TK2: variants seen among roughly 807,000 people sequenced by gnomAD.
TK2 encodes the protein thymidine kinase 2, also known as thymidine kinase 2, mitochondrial.
A neutral mutation model predicts 41.9 loss-of-function variants in TK2; 35 were observed. The ratio of observed to expected loss-of-function variants is 0.84; its 90% CI spans 0.64 to 1.11. The LOEUF is 1.11. Among genes scored for constraint, TK2 ranks in the 50% least tolerant of loss-of-function variants. The pLI, the probability that TK2 is intolerant of heterozygous loss-of-function variation, is 0.00. For synonymous variants in TK2, 128 were observed against 129.1 expected (o/e 0.99, Z 0.06); for missense variants, 320 against 351.1 (o/e 0.91, Z 0.71).
At chr16:66,547,510 T>C (rs1365427345) in intron 2 of TK2, among the ~76,000 whole-genome samples, 1 of 152,128 alleles carries the variant, frequency 6.6e-6, no homozygotes, top group African/African-American at 2.4e-5. Context: ...CTTCTGTGAC[T>C]TGTACCTGTT....
Position 66,508,213 on chromosome 16 carries a change from G to A in TK2, c.*3755C>T, listed in dbSNP as rs1964349183. 6.6e-6 allele frequency: 1 copy of A among 152,206 alleles called. No individual in the cohort carries two copies. Among genetic ancestry groups the A allele is most frequent in the Non-Finnish European group, 1.5e-5 (1 of 68,048 alleles). 9.4% of individuals were successfully genotyped at this position (152,206 alleles called of 1,614,324 possible). A position where few individuals can be genotyped will look rare whatever the true frequency, so the allele number is the denominator to read the frequency against. On this transcript the variant is annotated 3_prime_UTR_variant, in exon 10 of 10. Coordinates refer to ENST00000544898, the MANE Select transcript of TK2 (RefSeq NM_004614.5). ...AGCAGTGAATGGCAATACCCATTCT[G>A]GATTCCACGACATAGGCTTTCTCTT...
rs576855247 is a variant in TK2, at chr16:66,537,035, A to G, written c.232-18T>C. ...GTTAACACCTGGAAGGAAAGAAAAC[A>G]TCAGAGCTACTGTTTCTCTGTGCTG... is the stretch of plus-strand genomic sequence containing the variant. On this transcript the variant is annotated intron_variant, in intron 3 of 9. Transcript: ENST00000544898. The G allele has an allele frequency of 6.2e-7, 1 of 1,614,018 alleles. No individual in the cohort carries two copies. Among genetic ancestry groups the G allele is most frequent in the Admixed American group, 1.7e-5 (1 of 60,012 alleles).
At chr16:66,533,533 T>C (rs962620055) in intron 4 of TK2, among the ~76,000 whole-genome samples, 3 of 150,782 alleles carry the variant, frequency 2.0e-5, no homozygotes, top group South Asian at 2.1e-4. Flanking sequence ...TTGGGTGATA[T>C]AGCAAGACCC....
At position 66,510,124 on chromosome 16, in the gene TK2, T is replaced by G. The variant is rs1964406660; in HGVS notation, c.*1844A>C. The stretch of plus-strand genomic sequence containing the variant: ...AGCACTTCAAAATCAACAACAGGGC[T>G]TAGGTGAAGGAGTTATTGGGTATCA... On this transcript the variant is annotated 3_prime_UTR_variant, in exon 10 of 10. Transcript: ENST00000544898. 1.3e-5 allele frequency: 2 copies of G among 151,260 alleles called. No homozygotes were observed. Among genetic ancestry groups the G allele is most frequent in the Admixed American group, 1.3e-4 (2 of 15,116 alleles). The allele number at this position is 151,260 out of a possible 1,614,324, so 9.4% of individuals were successfully genotyped here. A position where few individuals can be genotyped will look rare whatever the true frequency, so the allele number is the denominator to read the frequency against.
intron 2 of TK2, 95 bp from the exon 3 acceptor site, chr16:66,542,048 T>TA (rs1328057248): frequency 1.3e-5 from 18 of 1,351,418 alleles, no homozygotes; most frequent in Non-Finnish European, 1.8e-5. Context: ...GTAACCAGCA[T>TA]AATTGGTTCA....
At chr16:66,547,878 A>G in intron 2 of TK2, 1 of 1,243,430 alleles carries the variant, frequency 8.0e-7, no homozygotes, top group Non-Finnish European at 1.0e-6. Context: ...GTCTGGGGGC[A>G]CATCAAACCA....
intron 6 of TK2, among the ~76,000 whole-genome samples, chr16:66,526,221 C>T (rs1285407895): frequency 6.6e-6 from 1 of 152,128 alleles, no homozygotes; most frequent in Non-Finnish European, 1.5e-5. Flanking sequence ...GGGCAAGGAC[C>T]CACAAAAGGG....
intron 3 of TK2, among the ~76,000 whole-genome samples, chr16:66,539,287 G>A (rs35796755): frequency 0.043 from 6,481 of 152,012 alleles, 180 homozygotes; most frequent in Non-Finnish European, 0.06. Context: ...GGATTACACC[G>A]AAAGGACACA....
intron 8 of TK2, 148 bp from the exon 9 acceptor site, chr16:66,513,959 G>A: frequency 1.4e-6 from 1 of 731,670 alleles, no homozygotes. Context: ...TGGCTCAAGT[G>A]GACAGCGGCA....
intron 2 of TK2, among the ~76,000 whole-genome samples, chr16:66,547,662 TCTCCCCCATCAGACAGAC>T (rs973086956): frequency 3.3e-5 from 5 of 151,562 alleles, no homozygotes; most frequent in African/African-American, 7.3e-5. Flanking sequence ...GTTACTGCTG[TCTCCCCCATCAGACAGAC>T]CTCCCCCATC....
In TK2 at chr16:66,549,940, G is replaced by T. The variant is rs201904720; in HGVS notation, c.122C>A (p.Pro41His). The change falls in exon 1 of 10, where the codon CCC becomes CAC. Residue 41 changes from proline to histidine, a missense_variant and splice_region_variant. By Grantham distance (77) the Pro-to-His change is moderately conservative. Coordinates refer to ENST00000544898, the MANE Select transcript of TK2 (RefSeq NM_004614.5). The part of the protein sequence containing the change: ...PRRVQRRAWP[P>H]DKEQEKEKKS... ...GGCGGGACCAAGACGCGCGTTACCGGGAGGCCAGGCCCGGCGCTGCACCCT... is the reference window on the plus strand; with the variant it reads ...GGCGGGACCAAGACGCGCGTTACCGTGAGGCCAGGCCCGGCGCTGCACCCT... 967 of 1,354,004 alleles carry T rather than the reference G, an allele frequency of 7.1e-4. 4 individuals are homozygous for T. The highest frequency in any genetic ancestry group is 6.6e-3 in the Middle Eastern group (24 of 3,630). 83.9% of individuals were successfully genotyped at this position (1,354,004 alleles called of 1,614,324 possible).
intron 6 of TK2, among the ~76,000 whole-genome samples, chr16:66,521,157 C>A (rs1597082913): frequency 2.0e-5 from 3 of 152,230 alleles, no homozygotes. Context: ...TGGAACTGAA[C>A]CACAGCTCAG....
rs975262215 is a variant in TK2 at position 66,511,195 on chromosome 16, G to A, written c.*773C>T. ...ACCAAGGAGACTGAGCACCCTTCAG[G>A]AGCCAGCATGTGAATCTCAATGTCC... On this transcript the variant is annotated 3_prime_UTR_variant, in exon 10 of 10. Coordinates refer to ENST00000544898, the MANE Select transcript of TK2 (RefSeq NM_004614.5). The A allele has an allele frequency of 6.5e-6, 1 of 153,136 alleles. No homozygotes were observed. The highest frequency in any genetic ancestry group is 1.5e-5 in the Non-Finnish European group (1 of 68,792). 9.5% of individuals were successfully genotyped at this position (153,136 alleles called of 1,614,324 possible). A position where few individuals can be genotyped will look rare whatever the true frequency, so the allele number is the denominator to read the frequency against.
rs1440466220 is a variant in TK2 at position 66,517,573 on chromosome 16, G to T, written c.538+216C>A. On this transcript the variant is annotated intron_variant, in intron 7 of 9. Transcript: ENST00000544898. This position sits in a 1 kb window ranked among gnomAD's most constrained non-coding sequence, Gnocchi z 4.3. ...TCTGAAAGTAGCTGAGCCAGGGAGG[G>T]AAGTTTAAAGAACAAAGGCCAGGGT... 6.6e-6 allele frequency among the ~76,000 whole-genome samples: 1 copy of T among 152,226 alleles called. No homozygotes were observed. The highest frequency in any genetic ancestry group is 6.5e-5 in the Admixed American group (1 of 15,282).
At chr16:66,532,231 A>C (rs1446938085) in intron 4 of TK2, among the ~76,000 whole-genome samples, 1 of 152,192 alleles carries the variant, frequency 6.6e-6, no homozygotes, top group African/African-American at 2.4e-5. Context: ...TATAAAAATC[A>C]GTAGCATGTA....
Position 66,531,401 on chromosome 16 carries a change from C to T in TK2, c.354G>A (p.Leu118=). The T allele has an allele frequency of 6.2e-7, 1 of 1,614,158 alleles. No homozygotes were observed. Among genetic ancestry groups the T allele is most frequent in the Non-Finnish European group, 8.5e-7 (1 of 1,180,024 alleles). Reference sequence around the variant, plus strand: ...CTACCTGAGGACGAGTATGCCTGTCCAGCATGGTGAGCTGCACATAAGTCT... The same window carrying T: ...CTACCTGAGGACGAGTATGCCTGTCTAGCATGGTGAGCTGCACATAAGTCT... ...TLQTYVQLTM[L]DRHTRPQVSS... The change falls in exon 5 of 10, where the codon CTG becomes CTA. Residue 118 remains leucine (L), a synonymous_variant. Coordinates refer to ENST00000544898, the MANE Select transcript of TK2 (RefSeq NM_004614.5).
At chr16:66,536,202 CA>C (rs35291905) in intron 4 of TK2, among the ~76,000 whole-genome samples, 3,448 of 83,068 alleles carry the variant, frequency 0.042, 44 homozygotes, top group South Asian at 0.12. Context: ...GACTCCATCT[CA>C]AAAAAAAAAA....
At chr16:66,521,683 G>C (rs1964784633) in intron 6 of TK2, among the ~76,000 whole-genome samples, 1 of 152,202 alleles carries the variant, frequency 6.6e-6, no homozygotes, top group African/African-American at 2.4e-5. Flanking sequence ...ACTCTGCCCA[G>C]CTCCTCCTGT....
intron 4 of TK2, among the ~76,000 whole-genome samples, chr16:66,534,467 T>C (rs992515574): frequency 1.3e-5 from 2 of 152,336 alleles, no homozygotes; most frequent in East Asian, 1.9e-4. Context: ...TCCCATTGCA[T>C]GCAGAATGAA....
Sources: allele counts gnomAD v4.1 joint callset (sites outside exome capture counted in the v4.1 genomes callset), GRCh38; gene constraint gnomAD v4.1.1; non-coding constraint Gnocchi (gnomAD v3.1); transcripts MANE v1.5; gene names NCBI Gene and HGNC (gene_info 2026-07-23, HGNC 2026-07-21).